The following ARHGAP42 variants were observed in gnomAD, a reference collection of about 807,000 sequenced individuals.
The protein encoded by ARHGAP42 is rho GTPase-activating protein 42.
In ARHGAP42, 63 loss-of-function variants were observed where a neutral mutation model predicts 125.0. The observed-to-expected ratio is 0.50, with a 90% CI of 0.41 to 0.62. The LOEUF is 0.62. Among genes scored for constraint, ARHGAP42 ranks in the 20% least tolerant of loss-of-function variants. ARHGAP42 has a pLI of 0.00. For synonymous variants in ARHGAP42, 339 were observed against 351.0 expected (o/e 0.97, Z 0.38); for missense variants, 766 against 1,024.2 (o/e 0.75, Z 3.44).
chr11:100,709,497 C>T (rs1861527556), intron 1 of ARHGAP42, among the ~76,000 whole-genome samples: 1 of 152,112 alleles, frequency 6.6e-6, no homozygotes, highest in African/African-American at 2.4e-5. Flanking sequence ...CATTGTGATA[C>T]TCAGAATGGC....
chr11:100,836,402 G>T (rs1257032290), intron 3 of ARHGAP42, among the ~76,000 whole-genome samples: 1 of 152,036 alleles, frequency 6.6e-6, no homozygotes, highest in Non-Finnish European at 1.5e-5. Context: ...TGAACAATCA[G>T]CCCTTTTGCT....
At position 100,892,908 on chromosome 11, in the gene ARHGAP42, A is replaced by G. The variant is rs1163770583; in HGVS notation, c.385-20544A>G. Among the ~76,000 whole-genome samples, 7 of 152,322 alleles carry G rather than the reference A, an allele frequency of 4.6e-5. No homozygotes were observed. In the East Asian group the frequency reaches 1.2e-3, roughly 25 times the overall value. On this transcript the variant is annotated intron_variant, in intron 4 of 23. Coordinates refer to ENST00000298815, the MANE Select transcript of ARHGAP42 (RefSeq NM_152432.4). ...TCTCTCTGATTAACCTAAATATCTC[A>G]GCTTCAGTCCATTTTCTTCTGTTGT...
At position 100,985,333 on chromosome 11, in the gene ARHGAP42, C is replaced by T. The variant is rs192385061; in HGVS notation, c.2457-2180C>T. Among the ~76,000 whole-genome samples, 11 of 152,186 alleles carry T rather than the reference C, an allele frequency of 7.2e-5. No homozygotes were observed. The East Asian group carries it at 2.1e-3, about 29-fold the overall frequency. On this transcript the variant is annotated intron_variant, in intron 22 of 23. Coordinates refer to ENST00000298815, the MANE Select transcript of ARHGAP42 (RefSeq NM_152432.4). ...ATGACTTATTGTTTACTGGAGGAAGCTGTTGCTATTAGAAAATGTGATTTT... is the reference window on the plus strand; with the variant it reads ...ATGACTTATTGTTTACTGGAGGAAGTTGTTGCTATTAGAAAATGTGATTTT...
At chr11:100,953,112 C>T (rs1191492389) in intron 12 of ARHGAP42, among the ~76,000 whole-genome samples, 2 of 152,018 alleles carry the variant, frequency 1.3e-5, no homozygotes, top group Non-Finnish European at 2.9e-5. Flanking sequence ...TTTTTTTGTA[C>T]ATCATCCTGT....
At chr11:100,975,458 A>C (rs1471595591) in intron 19 of ARHGAP42, among the ~76,000 whole-genome samples, 5 of 152,224 alleles carry the variant, frequency 3.3e-5, no homozygotes, top group African/African-American at 1.2e-4. Context: ...TAGGAACATT[A>C]GGAAATAAAA....
chr11:100,734,331 G>A (rs543301214), intron 1 of ARHGAP42, among the ~76,000 whole-genome samples: 1 of 151,976 alleles, frequency 6.6e-6, no homozygotes, highest in Non-Finnish European at 1.5e-5. Context: ...CCAGGCTTGA[G>A]TGCAATGGCA....
At chr11:100,792,119 A>G (rs1863582019) in intron 2 of ARHGAP42, among the ~76,000 whole-genome samples, 3 of 152,196 alleles carry the variant, frequency 2.0e-5, no homozygotes, top group Admixed American at 1.3e-4. Flanking sequence ...TGAGCCAGTG[A>G]TCATTTCCTG....
chr11:100,845,462 T>C (rs1865043967), intron 3 of ARHGAP42, among the ~76,000 whole-genome samples: 1 of 151,892 alleles, frequency 6.6e-6, no homozygotes, highest in African/African-American at 2.4e-5. Flanking sequence ...AACTTACTAA[T>C]GTAACCAAAT....
chr11:100,798,471 A>G (rs1463738660), intron 3 of ARHGAP42, among the ~76,000 whole-genome samples: 1 of 152,194 alleles, frequency 6.6e-6, no homozygotes, highest in East Asian at 1.9e-4. Flanking sequence ...CATCAAAAAG[A>G]TTATGACTTG....
At chr11:100,882,357 ATTTTTG>A (rs1349116130) in intron 4 of ARHGAP42, among the ~76,000 whole-genome samples, 1 of 152,008 alleles carries the variant, frequency 6.6e-6, no homozygotes, top group Non-Finnish European at 1.5e-5. Context: ...TAATCATGTA[ATTTTTG>A]TTTTTAATTC....
At chr11:100,936,939 A>G (rs943378881) in intron 8 of ARHGAP42, among the ~76,000 whole-genome samples, 1 of 152,222 alleles carries the variant, frequency 6.6e-6, no homozygotes, top group African/African-American at 2.4e-5. Flanking sequence ...TAGTTGGACT[A>G]TTTTGACTAC....
chr11:100,695,980 C>T (rs1207211715), intron 1 of ARHGAP42, among the ~76,000 whole-genome samples: 1 of 152,092 alleles, frequency 6.6e-6, no homozygotes, highest in Non-Finnish European at 1.5e-5. Flanking sequence ...AATCCCAGTG[C>T]TTTGGGAGGC....
intron 19 of ARHGAP42, among the ~76,000 whole-genome samples, chr11:100,975,101 C>T (rs113732373): frequency 0.093 from 14,119 of 152,238 alleles, 943 homozygotes; most frequent in Non-Finnish European, 0.13. Context: ...CCATGGCACA[C>T]ATTAAACTGT....
At chr11:100,693,277 G>C (rs1028256791) in intron 1 of ARHGAP42, among the ~76,000 whole-genome samples, 1 of 151,762 alleles carries the variant, frequency 6.6e-6, no homozygotes, top group Non-Finnish European at 1.5e-5. Flanking sequence ...GAGGTGTGGA[G>C]GTGTAATTAC....
intron 15 of ARHGAP42, 141 bp from the exon 16 acceptor site, chr11:100,962,268 A>G (rs1164429934): frequency 5.6e-6 from 4 of 716,486 alleles, no homozygotes; most frequent in Admixed American, 6.0e-5. Flanking sequence ...AAATCACCCA[A>G]TTCTTTTATT....
At chr11:100,864,562 T>C (rs1244259769) in intron 4 of ARHGAP42, among the ~76,000 whole-genome samples, 1 of 152,078 alleles carries the variant, frequency 6.6e-6, no homozygotes, top group Non-Finnish European at 1.5e-5. Context: ...CACCAGAGCA[T>C]TGCATATGTT....
chr11:100,903,869 C>T (rs1299596246), intron 4 of ARHGAP42, among the ~76,000 whole-genome samples: 1 of 151,246 alleles, frequency 6.6e-6, no homozygotes, highest in African/African-American at 2.4e-5. Flanking sequence ...AACTGAAGAA[C>T]TTGGAATCCG....
At chr11:100,852,344 T>C (rs1412213599) in intron 3 of ARHGAP42, among the ~76,000 whole-genome samples, 1 of 152,224 alleles carries the variant, frequency 6.6e-6, no homozygotes, top group African/African-American at 2.4e-5. Flanking sequence ...TGGGAATTTA[T>C]TTAATGCATT....
At chr11:100,793,197 C>CAACA (rs556604549) in intron 2 of ARHGAP42, among the ~76,000 whole-genome samples, 57 of 152,172 alleles carry the variant, frequency 3.7e-4, no homozygotes, top group Non-Finnish European at 6.6e-4. Context: ...ACTCACCAAC[C>CAACA]AACAGCTTCA....
Sources: allele counts gnomAD v4.1 joint callset (sites outside exome capture counted in the v4.1 genomes callset), GRCh38; gene constraint gnomAD v4.1.1; transcripts MANE v1.5; gene names NCBI Gene and HGNC (gene_info 2026-07-23, HGNC 2026-07-21).